The following FANCL variants were observed in gnomAD, a reference collection of about 807,000 sequenced individuals.
FANCL encodes E3 ubiquitin-protein ligase FANCL.
Under a neutral mutation model 59.4 loss-of-function variants are expected in FANCL, and 69 were observed. The observed-to-expected ratio is 1.16, with a 90% CI of 0.96 to 1.42. The LOEUF is 1.42. Among genes scored for constraint, FANCL ranks in the 40% most tolerant of loss-of-function variants. FANCL has a pLI of 0.00. For missense variants in FANCL, 519 were observed against 447.2 expected (o/e 1.16, Z -1.45); for synonymous variants, 180 against 147.1 (o/e 1.22, Z -1.62).
chr2:58,194,139 C>A, intron 7 of FANCL: 1 of 449,076 alleles, frequency 2.2e-6, no homozygotes, highest in Non-Finnish European at 4.6e-6. Context: ...AATATAAAGA[C>A]CACTATTTAC....
intron 12 of FANCL, among the ~76,000 whole-genome samples, chr2:58,161,051 C>T (rs1293981758): frequency 6.6e-6 from 1 of 151,936 alleles, no homozygotes; most frequent in Non-Finnish European, 1.5e-5. Flanking sequence ...TCACAAAAGG[C>T]ATTCTTCTCA....
chr2:58,182,954 G>T (rs926334507), intron 7 of FANCL, among the ~76,000 whole-genome samples: 5 of 151,796 alleles, frequency 3.3e-5, no homozygotes, highest in African/African-American at 1.2e-4. Flanking sequence ...CTTAGCATTT[G>T]TAATACGGAA....
chr2:58,185,904 G>A (rs72810363), intron 7 of FANCL, among the ~76,000 whole-genome samples: 8,531 of 152,064 alleles, frequency 0.056, 297 homozygotes, highest in Non-Finnish European at 0.075. Flanking sequence ...TGTACACTTA[G>A]GTCTAAACAT....
At chr2:58,217,407 G>A (rs1173725705) in intron 5 of FANCL, among the ~76,000 whole-genome samples, 1 of 150,094 alleles carries the variant, frequency 6.7e-6, no homozygotes, top group East Asian at 2.0e-4. Context: ...AGTTTCTGGT[G>A]GCTGCCAGCA....
intron 7 of FANCL, among the ~76,000 whole-genome samples, chr2:58,181,017 G>A (rs549118784): frequency 1.4e-3 from 207 of 152,084 alleles, no homozygotes; most frequent in African/African-American, 4.8e-3. Flanking sequence ...ATTTCTTTAA[G>A]AACTAAATAT....
At chr2:58,237,672 G>A (rs748631020) in intron 1 of FANCL, among the ~76,000 whole-genome samples, 54 of 152,098 alleles carry the variant, frequency 3.6e-4, no homozygotes, top group Admixed American at 1.2e-3. Context: ...TAGATGTATC[G>A]GGGGAAAAAA....
At chr2:58,212,312 A>C (rs1691252360) in intron 5 of FANCL, among the ~76,000 whole-genome samples, 1 of 152,178 alleles carries the variant, frequency 6.6e-6, no homozygotes, top group African/African-American at 2.4e-5. Flanking sequence ...TACCATGAGA[A>C]CAGTATGGGG....
intron 7 of FANCL, among the ~76,000 whole-genome samples, chr2:58,196,291 A>G (rs1458468064): frequency 2.6e-5 from 4 of 152,056 alleles, no homozygotes; most frequent in Non-Finnish European, 5.9e-5. Context: ...AGCTATTCTT[A>G]AAACATTTTA....
At chr2:58,189,809 G>A (rs1688747445) in intron 7 of FANCL, among the ~76,000 whole-genome samples, 1 of 151,892 alleles carries the variant, frequency 6.6e-6, no homozygotes, top group Non-Finnish European at 1.5e-5. Flanking sequence ...GTGATCTTTT[G>A]TGCTATGATG....
intron 8 of FANCL, 99 bp downstream of exon 8, chr2:58,165,625 C>T (rs573120248): frequency 6.9e-7 from 1 of 1,455,138 alleles, no homozygotes; most frequent in South Asian, 1.2e-5. Context: ...TAGTTGACTT[C>T]ATATAAAGAA....
At chr2:58,230,268 A>T (rs1178043502) in intron 2 of FANCL, among the ~76,000 whole-genome samples, 2 of 152,148 alleles carry the variant, frequency 1.3e-5, no homozygotes, top group Non-Finnish European at 2.9e-5. Flanking sequence ...ATTATCTTCA[A>T]ATTCCCGATT....
chr2:58,227,890 T>TC, intron 3 of FANCL, among the ~76,000 whole-genome samples: 1 of 151,874 alleles, frequency 6.6e-6, no homozygotes, highest in East Asian at 1.9e-4. Context: ...CATTACTTTT[T>TC]TTAAAGAAGA....
At chr2:58,159,865 CTAGAA>C (rs1684836869) in intron 13 of FANCL, 65 bp from the exon 14 acceptor site, 4 of 1,600,818 alleles carry the variant, frequency 2.5e-6, no homozygotes, top group Non-Finnish European at 3.4e-6. Flanking sequence ...TTGCTTTGTA[CTAGAA>C]ATAGTGTCAT....
At chr2:58,178,900 C>A (rs1342795105) in intron 7 of FANCL, among the ~76,000 whole-genome samples, 3 of 152,140 alleles carry the variant, frequency 2.0e-5, no homozygotes, top group Admixed American at 2.0e-4. Context: ...GATACAAAAT[C>A]AATGTACAAA....
intron 7 of FANCL, among the ~76,000 whole-genome samples, chr2:58,171,396 T>G (rs1230266140): frequency 1.3e-5 from 2 of 152,192 alleles, no homozygotes; most frequent in Admixed American, 6.5e-5. Flanking sequence ...AAGGGAAATT[T>G]ATAACGAAAT....
In FANCL at chr2:58,227,280, G is replaced by C. The variant is rs563547898; in HGVS notation, c.217-496C>G. Among the ~76,000 whole-genome samples the C allele has an allele frequency of 9.8e-5, 15 of 152,330 alleles. No individual in the cohort carries two copies. The East Asian group carries it at 2.3e-3, about 24-fold the overall frequency. ...TTTTTAGTTTAGCCATCCATAGGCA[G>C]CTTGTGTTAGTCAGCTCAATTAGAC... On this transcript the variant is annotated intron_variant, in intron 3 of 13. Transcript: ENST00000233741.
At chr2:58,183,759 C>T (rs1688144731) in intron 7 of FANCL, among the ~76,000 whole-genome samples, 1 of 151,874 alleles carries the variant, frequency 6.6e-6, no homozygotes, top group Admixed American at 6.6e-5. Context: ...CCTTTCATTT[C>T]CTGATGCTCA....
chr2:58,165,591 A>C, intron 8 of FANCL, 133 bp downstream of exon 8: 1 of 1,092,704 alleles, frequency 9.2e-7, no homozygotes, highest in Non-Finnish European at 1.3e-6. Flanking sequence ...TAGCCAAAAA[A>C]AAGTTTATAC....
intron 8 of FANCL, among the ~76,000 whole-genome samples, chr2:58,164,084 TA>T (rs1309100107): frequency 6.6e-6 from 1 of 152,040 alleles, no homozygotes; most frequent in African/African-American, 2.4e-5. Flanking sequence ...AATTGTTCAT[TA>T]ATAACCAAAA....
Sources: gnomAD v4.1 joint callset for allele counts (sites outside exome capture counted in the v4.1 genomes callset) on GRCh38, gnomAD v4.1.1 for gene constraint, MANE v1.5 for transcripts, NCBI Gene and HGNC (gene_info 2026-07-23, HGNC 2026-07-21) for gene names.